SLC35F4: variants seen among roughly 807,000 people sequenced by gnomAD.
SLC35F4 encodes chromosome 14 open reading frame 36.
Under a neutral mutation model 44.2 loss-of-function variants are expected in SLC35F4, and 24 were observed. The observed-to-expected ratio is 0.54, with a 90% CI of 0.39 to 0.76. SLC35F4 has a LOEUF of 0.76. Ranked by LOEUF, SLC35F4 falls within the 30% of genes least tolerant of loss-of-function variation. SLC35F4 has a pLI of 0.00. For missense variants in SLC35F4, 562 were observed against 586.1 expected (o/e 0.96, Z 0.42); for synonymous variants, 238 against 223.6 (o/e 1.06, Z -0.57).
intron 1 of SLC35F4, among the ~76,000 whole-genome samples, chr14:57,925,489 G>A (rs1889540404): frequency 2.3e-5 from 2 of 87,932 alleles, no homozygotes; most frequent in African/African-American, 8.2e-5. Context: ...AAGGAAGGAA[G>A]GAAGGAAGGG....
chr14:57,852,185 G>C (rs1239028986), intron 1 of SLC35F4, among the ~76,000 whole-genome samples: 1 of 152,168 alleles, frequency 6.6e-6, no homozygotes, highest in Non-Finnish European at 1.5e-5. Flanking sequence ...AAGTACATGA[G>C]ATGATAGAGG....
At chr14:57,974,297 C>A (rs1411996971), downstream of SLC35F4, among the ~76,000 whole-genome samples, 1 of 152,142 alleles carries the variant, frequency 6.6e-6, no homozygotes, top group Non-Finnish European at 1.5e-5. Context: ...CCTGGTAGCT[C>A]AGTACTCCCC....
chr14:57,932,150 A>G (rs1444031238), intron 1 of SLC35F4, among the ~76,000 whole-genome samples: 4 of 152,166 alleles, frequency 2.6e-5, no homozygotes, highest in Non-Finnish European at 5.9e-5. Context: ...GAAGACAAAA[A>G]CTGTACCATC....
intron 1 of SLC35F4, among the ~76,000 whole-genome samples, chr14:57,762,880 CA>C (rs1190127389): frequency 2.6e-5 from 4 of 151,504 alleles, no homozygotes; most frequent in Admixed American, 1.3e-4. Flanking sequence ...CTTACAGCAG[CA>C]AAAAAAGGAC....
At chr14:57,680,200 G>T (rs569939961) in intron 1 of SLC35F4, among the ~76,000 whole-genome samples, 1 of 152,228 alleles carries the variant, frequency 6.6e-6, no homozygotes, top group South Asian at 2.1e-4. Context: ...TCATCCGTGG[G>T]ATGCAAGTCT....
chr14:57,762,423 G>A (rs927799029), intron 1 of SLC35F4, among the ~76,000 whole-genome samples: 2 of 152,070 alleles, frequency 1.3e-5, no homozygotes, highest in Non-Finnish European at 2.9e-5. Flanking sequence ...GATTTTTCTA[G>A]GGAATTTTAC....
intron 1 of SLC35F4, among the ~76,000 whole-genome samples, chr14:57,825,667 A>T (rs2140921990): frequency 6.6e-6 from 1 of 152,318 alleles, no homozygotes; most frequent in South Asian, 2.1e-4. Flanking sequence ...AATTCAACAA[A>T]GTCTCAGGAT....
intron 1 of SLC35F4, among the ~76,000 whole-genome samples, chr14:57,858,472 T>C (rs1887347737): frequency 6.6e-6 from 1 of 151,698 alleles, no homozygotes; most frequent in African/African-American, 2.4e-5. Context: ...TAGGTGGGAA[T>C]TGAACAATGA....
chr14:57,789,716 G>A (rs533321596), intron 1 of SLC35F4, among the ~76,000 whole-genome samples: 1 of 152,110 alleles, frequency 6.6e-6, no homozygotes, highest in Non-Finnish European at 1.5e-5. Flanking sequence ...AGACCAACAT[G>A]CCTGATGAAT....
At chr14:57,644,480 AT>A (rs939593330) in intron 1 of SLC35F4, among the ~76,000 whole-genome samples, 1 of 151,136 alleles carries the variant, frequency 6.6e-6, no homozygotes, top group Non-Finnish European at 1.5e-5. Flanking sequence ...TTCCTTGTAA[AT>A]TTGTTTGAGT....
intron 4 of SLC35F4, chr14:57,578,998 G>C (rs2069029016): frequency 6.6e-6 from 1 of 152,214 alleles, no homozygotes. Flanking sequence ...GCCTCTTCCA[G>C]GGTTCTGGTG....
At chr14:57,913,728 G>A (rs1170645892) in intron 1 of SLC35F4, among the ~76,000 whole-genome samples, 1 of 152,030 alleles carries the variant, frequency 6.6e-6, no homozygotes, top group Non-Finnish European at 1.5e-5. Context: ...ATTTGGAATT[G>A]TTTAAATGCT....
intron 1 of SLC35F4, among the ~76,000 whole-genome samples, chr14:57,926,176 C>T (rs1437907532): frequency 1.3e-5 from 2 of 152,200 alleles, no homozygotes; most frequent in Admixed American, 1.3e-4. Flanking sequence ...GGCCAGCTAC[C>T]ATTTTTACAA....
chr14:57,949,132 A>G (rs759042997), intron 1 of SLC35F4, among the ~76,000 whole-genome samples: 1 of 152,038 alleles, frequency 6.6e-6, no homozygotes, highest in Non-Finnish European at 1.5e-5. Context: ...AGATATTGAA[A>G]TCCCCTACTA....
chr14:57,660,345 G>T (rs1292185831), intron 1 of SLC35F4, among the ~76,000 whole-genome samples: 1 of 151,350 alleles, frequency 6.6e-6, no homozygotes, highest in Admixed American at 6.6e-5. Flanking sequence ...TAGCAAAAAA[G>T]CTTTGGCTCT....
intron 4 of SLC35F4, among the ~76,000 whole-genome samples, chr14:57,574,248 G>A (rs1006474456): frequency 1.3e-5 from 2 of 152,180 alleles, no homozygotes; most frequent in Admixed American, 1.3e-4. Flanking sequence ...CATGGGTAAA[G>A]ATTACATAAC....
chr14:57,711,498 C>T (rs927061270), intron 1 of SLC35F4, among the ~76,000 whole-genome samples: 4 of 152,070 alleles, frequency 2.6e-5, no homozygotes, highest in Non-Finnish European at 5.9e-5. Context: ...ATTATGAGAC[C>T]ATTTTTTATG....
intron 1 of SLC35F4, among the ~76,000 whole-genome samples, chr14:57,764,827 C>G (rs17804615): frequency 0.029 from 4,416 of 152,162 alleles, 76 homozygotes; most frequent in East Asian, 0.04. Context: ...AACAACTGAG[C>G]GTTCTGTACA....
At chr14:57,872,582 G>T (rs1440835898) in intron 1 of SLC35F4, among the ~76,000 whole-genome samples, 1 of 152,058 alleles carries the variant, frequency 6.6e-6, no homozygotes, top group Non-Finnish European at 1.5e-5. Context: ...GCATTTCCTT[G>T]TTGGTGCTGA....
Sources: gnomAD v4.1 joint callset for allele counts (sites outside exome capture counted in the v4.1 genomes callset) on GRCh38, gnomAD v4.1.1 for gene constraint, MANE v1.5 for transcripts, NCBI Gene and HGNC (gene_info 2026-07-23, HGNC 2026-07-21) for gene names.